Variants in CHLSN observed in about 807,000 individuals in gnomAD.
The protein encoded by CHLSN is protein cholesin.
the CHLSN span, among the ~76,000 whole-genome samples, chr7:1,015,222 G>C: frequency 6.6e-6 from 1 of 152,288 alleles, no homozygotes; most frequent in Admixed American, 6.5e-5. Flanking sequence ...GGTGAGGAAA[G>C]AGAGGTGGGG....
chr7:986,598 C>T, the CHLSN span: 2 of 1,611,458 alleles, frequency 1.2e-6, no homozygotes, highest in East Asian at 2.2e-5. Flanking sequence ...GCGTCCTTAT[C>T]TCCGCTCCTC....
chr7:1,028,193 T>C, the CHLSN span: 2 of 977,656 alleles, frequency 2.0e-6, no homozygotes, highest in Non-Finnish European at 2.4e-6. Flanking sequence ...GGGGCGGGGC[T>C]GGGGCAGGGC....
the CHLSN span, chr7:1,092,708 T>G: frequency 6.2e-7 from 1 of 1,613,508 alleles, no homozygotes; most frequent in Non-Finnish European, 8.5e-7. Flanking sequence ...TACAGCTTTC[T>G]CGGGGAGACC....
chr7:991,078 C>T, the CHLSN span, among the ~76,000 whole-genome samples: 4 of 152,198 alleles, frequency 2.6e-5, no homozygotes, highest in East Asian at 7.8e-4. Flanking sequence ...TTACATTGGC[C>T]TGGGGTATTC....
At chr7:1,031,113 G>C in the CHLSN span, among the ~76,000 whole-genome samples, 2 of 152,208 alleles carry the variant, frequency 1.3e-5, no homozygotes, top group African/African-American at 4.8e-5. Flanking sequence ...CTGGTCAGGA[G>C]GAGGGGCCAA....
the CHLSN span, among the ~76,000 whole-genome samples, chr7:1,065,490 A>C: frequency 8.5e-5 from 13 of 152,368 alleles, no homozygotes; most frequent in African/African-American, 3.1e-4. Context: ...AGCGAAATGG[A>C]CCCACCGGGG....
the CHLSN span, among the ~76,000 whole-genome samples, chr7:1,134,263 A>T: frequency 4.0e-5 from 6 of 148,454 alleles, no homozygotes; most frequent in Non-Finnish European, 8.8e-5. Context: ...ACAGAGTGAG[A>T]GACTGTCTCT....
the CHLSN span, chr7:1,055,550 G>T: frequency 2.4e-6 from 1 of 423,028 alleles, no homozygotes; most frequent in Non-Finnish European, 4.8e-6. Flanking sequence ...ACAGGCAGGA[G>T]AGGGGACGTG....
chr7:1,104,648 T>C, the CHLSN span, among the ~76,000 whole-genome samples: 1 of 152,166 alleles, frequency 6.6e-6, no homozygotes, highest in East Asian at 1.9e-4. Context: ...AACTAGACAC[T>C]GTTTATGCGC....
At chr7:1,022,557 C>T in the CHLSN span, among the ~76,000 whole-genome samples, 1 of 152,214 alleles carries the variant, frequency 6.6e-6, no homozygotes, top group South Asian at 2.1e-4. Flanking sequence ...GCCCACGTGC[C>T]CTCCACCACC....
the CHLSN span, among the ~76,000 whole-genome samples, chr7:1,049,202 G>A: frequency 0.11 from 16,263 of 152,250 alleles, 1,160 homozygotes; most frequent in Middle Eastern, 0.2. Context: ...CCTGCCCCAC[G>A]TTTCCCCTGC....
chr7:1,058,229 C>G, the CHLSN span: 2 of 759,978 alleles, frequency 2.6e-6, no homozygotes, highest in East Asian at 2.4e-5. Flanking sequence ...TGGTGGCCAC[C>G]GTGTGCACGC....
chr7:1,091,821 C>T, the CHLSN span: 2 of 1,600,406 alleles, frequency 1.2e-6, no homozygotes, highest in Admixed American at 1.7e-5. Context: ...CCCCCGAGCT[C>T]AACCTGTCCC....
chr7:1,031,164 C>T, the CHLSN span, among the ~76,000 whole-genome samples: 7 of 152,208 alleles, frequency 4.6e-5, no homozygotes, highest in South Asian at 4.1e-4. Context: ...GAACTGCTTC[C>T]GTACACGGGA....
the CHLSN span, among the ~76,000 whole-genome samples, chr7:1,016,651 G>C: frequency 1.1e-3 from 88 of 82,414 alleles, no homozygotes; most frequent in African/African-American, 2.0e-3. Flanking sequence ...GCGCACAGCA[G>C]CACACAGCAG....
the CHLSN span, among the ~76,000 whole-genome samples, chr7:1,057,071 A>G: frequency 3.3e-5 from 5 of 152,244 alleles, no homozygotes; most frequent in South Asian, 6.2e-4. Context: ...AGGGAGGCTC[A>G]GGGCTGACCG....
chr7:996,824 C>A, the CHLSN span, among the ~76,000 whole-genome samples: 1 of 152,348 alleles, frequency 6.6e-6, no homozygotes, highest in Non-Finnish European at 1.5e-5. Context: ...GGGAAACGGC[C>A]GGCCTGAACG....
At chr7:1,028,203 C>A in the CHLSN span, 2 of 998,500 alleles carry the variant, frequency 2.0e-6, no homozygotes, top group South Asian at 3.3e-5. Flanking sequence ...TGGGGCAGGG[C>A]CCCTCCCATC....
chr7:1,008,968 C>T, the CHLSN span, among the ~76,000 whole-genome samples: 7 of 151,570 alleles, frequency 4.6e-5, no homozygotes, highest in Admixed American at 2.0e-4. Context: ...AACACACATG[C>T]GTGCACACAC....
Sources: gnomAD v4.1 joint callset for allele counts (sites outside exome capture counted in the v4.1 genomes callset) on GRCh38, gnomAD v4.1.1 for gene constraint, MANE v1.5 for transcripts, NCBI Gene and HGNC (gene_info 2026-07-23, HGNC 2026-07-21) for gene names.